The following STAT5B variants were observed in gnomAD, a reference collection of about 807,000 sequenced individuals.
STAT5B encodes the protein signal transducer and activator of transcription 5B, also known as transcription factor STAT5B.
STAT5B carries 21 observed loss-of-function variants against 107.8 expected under a neutral mutation model. That is an observed-to-expected ratio of 0.19 (90% CI 0.14 to 0.28). STAT5B has a LOEUF of 0.28. Ranked by LOEUF, STAT5B falls within the 10% of genes least tolerant of loss-of-function variation. The pLI, the probability that STAT5B is intolerant of heterozygous loss-of-function variation, is 1.00. For missense variants in STAT5B, 565 were observed against 1,008.2 expected, an observed-to-expected ratio of 0.56 and a Z score of 5.95; for synonymous variants, 325 against 401.7, an observed-to-expected ratio of 0.81 and a Z score of 2.28.
intron 1 of STAT5B, among the ~76,000 whole-genome samples, chr17:42,261,524 GC>G (rs2080596671): frequency 6.6e-6 from 1 of 152,010 alleles, no homozygotes; most frequent in Non-Finnish European, 1.5e-5. Flanking sequence ...AAATTACAAT[GC>G]ACAATCCAAG....
the STAT5B span, among the ~76,000 whole-genome samples, chr17:42,281,801 G>A: frequency 6.6e-6 from 1 of 152,232 alleles, no homozygotes; most frequent in African/African-American, 2.4e-5. Flanking sequence ...CCGCCTCTTG[G>A]GACAGGGTCA....
At chr17:42,268,451 A>T (rs997929130) in intron 1 of STAT5B, 2 of 152,212 alleles carry the variant, frequency 1.3e-5, no homozygotes, top group Admixed American at 1.3e-4. Context: ...AAAATCGCCT[A>T]ATGCATTTCT....
chr17:42,227,901 TAA>T (rs56817869), intron 2 of STAT5B, among the ~76,000 whole-genome samples: 1 of 150,384 alleles, frequency 6.6e-6, no homozygotes, highest in African/African-American at 2.4e-5. Context: ...TTCCTTCTTT[TAA>T]AAAAAAAAAT....
intron 16 of STAT5B, among the ~76,000 whole-genome samples, chr17:42,207,025 T>G (rs1310581268): frequency 6.6e-6 from 1 of 151,882 alleles, no homozygotes; most frequent in Non-Finnish European, 1.5e-5. Flanking sequence ...TACAAGTGCC[T>G]GCCACCACAC....
chr17:42,255,024 GA>G (rs770183191), intron 1 of STAT5B, among the ~76,000 whole-genome samples: 14 of 152,150 alleles, frequency 9.2e-5, no homozygotes, highest in Non-Finnish European at 2.1e-4. Flanking sequence ...CCAGGAGGCA[GA>G]GGTTGCAGGG....
chr17:42,254,422 T>G lies in STAT5B; in HGVS notation c.-11+21826A>C, dbSNP rs1278981806. On this transcript the variant is annotated intron_variant, in intron 1 of 18. Coordinates refer to ENST00000293328, the MANE Select transcript of STAT5B (RefSeq NM_012448.4). Reference sequence around the variant, plus strand: ...TGCTTTAAAGCTAAATTCCATAGATTACTTTTCAAATCATCCTTCGAAGCT... The same window carrying G: ...TGCTTTAAAGCTAAATTCCATAGATGACTTTTCAAATCATCCTTCGAAGCT... 3.3e-5 allele frequency among the ~76,000 whole-genome samples: 5 copies of G among 152,174 alleles called. No homozygotes were observed. In the East Asian group the frequency reaches 9.6e-4, roughly 29 times the overall value.
At position 42,207,543 on chromosome 17, in the gene STAT5B, T is replaced by C. The variant is rs763767949; in HGVS notation, c.2077+15A>G. ...CACACACAACAAAATCAAATCAGAA[T>C]GCGAACATTGTTACCAGTAGCAGAC... On this transcript the variant is annotated intron_variant, in intron 16 of 18. Coordinates refer to ENST00000293328, the MANE Select transcript of STAT5B (RefSeq NM_012448.4). 1.9e-6 allele frequency: 3 copies of C among 1,608,916 alleles called. No individual in the cohort carries two copies. The highest frequency in any genetic ancestry group is 1.7e-6 in the Non-Finnish European group (2 of 1,176,992).
rs869160306 is a variant in STAT5B, at chr17:42,262,970, GTATATATATATATATATATATATA to G, written c.-11+13254_-11+13277del. On this transcript the variant is annotated intron_variant, in intron 1 of 18. Transcript: ENST00000293328. ...TGTGTGTGTGTGTGTGTGTGTGTGT[GTATATATATATATATATATATATA>G]TATATATATATATATATATATAAAA... Among the ~76,000 whole-genome samples, 35 of 20,944 alleles carry G rather than the reference GTATATATATATATATATATATATA, an allele frequency of 1.7e-3. 1 individual carries two copies. The highest frequency in any genetic ancestry group is 0.013 in the South Asian group (6 of 472). 13.7% of individuals were successfully genotyped at this position (20,944 alleles called of 152,430 possible). A position where few individuals can be genotyped will look rare whatever the true frequency, so the allele number is the denominator to read the frequency against.
At chr17:42,230,869 C>T (rs545734328) in intron 2 of STAT5B, among the ~76,000 whole-genome samples, 2 of 152,078 alleles carry the variant, frequency 1.3e-5, no homozygotes, top group Non-Finnish European at 2.9e-5. Context: ...GCCATGTTGG[C>T]CAGGCTTGTC....
chr17:42,275,693 C>G (rs1451566563), intron 1 of STAT5B: 1 of 152,194 alleles, frequency 6.6e-6, no homozygotes, highest in South Asian at 2.1e-4. Flanking sequence ...ATCCCGCCCC[C>G]CAGAGTCTTA....
At chr17:42,277,758 CTTTTT>C (rs796461733), upstream of STAT5B, among the ~76,000 whole-genome samples, 3 of 139,868 alleles carry the variant, frequency 2.1e-5, no homozygotes, top group South Asian at 6.7e-4. Context: ...TTTTTCTTTT[CTTTTT>C]TTTTTTTTTT....
At chr17:42,276,443 A>AGGCCCAGGGACGCGCGCC (rs1483682952), upstream of STAT5B, 3 of 147,224 alleles carry the variant, frequency 2.0e-5, no homozygotes, top group African/African-American at 7.4e-5. The surrounding 1 kb of genome is among the most constrained non-coding windows in gnomAD (Gnocchi z 4.8). Flanking sequence ...TCACGCGCGG[A>AGGCCCAGGGACGCGCGCC]GGCCCAGGGA....
At chr17:42,267,489 GAA>G (rs1199513172) in intron 1 of STAT5B, among the ~76,000 whole-genome samples, 1 of 151,992 alleles carries the variant, frequency 6.6e-6, no homozygotes, top group East Asian at 1.9e-4. Context: ...TCACTTTTAA[GAA>G]AAAGTTTTTA....
chr17:42,254,016 T>C (rs997026127), intron 1 of STAT5B, among the ~76,000 whole-genome samples: 7 of 152,236 alleles, frequency 4.6e-5, no homozygotes, highest in South Asian at 2.1e-4. Context: ...GTTGAAACTA[T>C]GAAGTCAAGC....
intron 1 of STAT5B, among the ~76,000 whole-genome samples, chr17:42,258,679 AAAAC>A (rs567230265): frequency 2.6e-5 from 4 of 152,258 alleles, no homozygotes; most frequent in East Asian, 1.9e-4. Flanking sequence ...ACTCCGTCTC[AAAAC>A]AAACAAACAA....
At chr17:42,286,510 A>T in the STAT5B span, among the ~76,000 whole-genome samples, 1 of 152,060 alleles carries the variant, frequency 6.6e-6, no homozygotes, top group Non-Finnish European at 1.5e-5. Context: ...ACCAAGACAG[A>T]TGTTTGGTGG....
At chr17:42,263,871 G>GCGCACACACACACACA (rs1007528555) in intron 1 of STAT5B, among the ~76,000 whole-genome samples, 2 of 144,936 alleles carry the variant, frequency 1.4e-5, no homozygotes, top group African/African-American at 2.6e-5. Flanking sequence ...TAGAAAGCGC[G>GCGCACACACACACACA]CACACACACA....
intron 12 of STAT5B, chr17:42,214,432 C>T: frequency 3.0e-6 from 3 of 985,326 alleles, no homozygotes; most frequent in Non-Finnish European, 3.6e-6. Flanking sequence ...AAAAATCTCA[C>T]CTTTGCAGTA....
chr17:42,232,055 G>T lies in STAT5B; in HGVS notation c.73C>A (p.His25Asn). The change falls in exon 2 of 19, where the codon CAT becomes AAT. Residue 25 changes from histidine (H) to asparagine (N), a missense_variant. Physicochemically the swap from His to Asn is moderately conservative, Grantham distance 68 (BLOSUM62 1). Transcript: ENST00000293328. The stretch of plus-strand genomic sequence containing the variant: ...TAATGCCGCACCTCAATGGGAAAAT[G>T]CTGGCCATATAACGCTTGCATCTGA... ...LHQMQALYGQ[H>N]FPIEVRHYLS... 1 of 1,613,896 alleles carries T rather than the reference G, an allele frequency of 6.2e-7. No individual in the cohort carries two copies. The highest frequency in any genetic ancestry group is 8.5e-7 in the Non-Finnish European group (1 of 1,179,958).
Sources: gnomAD v4.1 joint callset for allele counts (sites outside exome capture counted in the v4.1 genomes callset) on GRCh38, gnomAD v4.1.1 for gene constraint, Gnocchi (gnomAD v3.1) non-coding constraint, MANE v1.5 for transcripts, NCBI Gene and HGNC (gene_info 2026-07-23, HGNC 2026-07-21) for gene names.